CORIN: variants seen among roughly 807,000 people sequenced by gnomAD.
CORIN encodes the protein atrial natriuretic peptide-converting enzyme.
CORIN carries 117 observed loss-of-function variants against 125.3 expected under a neutral mutation model. The observed-to-expected ratio is 0.93, with a 90% confidence interval of 0.80 to 1.09. The LOEUF (loss-of-function observed/expected upper bound fraction) is 1.09, where lower values mean the gene tolerates loss of function less well. Among genes scored for constraint, CORIN ranks in the 50% least tolerant of loss-of-function variants. CORIN has a pLI of 0.00. For synonymous variants in CORIN, 450 were observed against 466.4 expected, an observed-to-expected ratio of 0.96 and a Z score of 0.45; for missense variants, 1,253 against 1,306.7, an observed-to-expected ratio of 0.96 and a Z score of 0.63.
intron 19 of CORIN, among the ~76,000 whole-genome samples, chr4:47,617,585 C>T (rs1035302525): frequency 6.6e-6 from 1 of 152,200 alleles, no homozygotes; most frequent in Non-Finnish European, 1.5e-5. Flanking sequence ...TCCACACTTG[C>T]TCACTCCCCA....
intron 4 of CORIN, among the ~76,000 whole-genome samples, chr4:47,745,844 A>G (rs1192692848): frequency 6.6e-6 from 1 of 152,250 alleles, no homozygotes; most frequent in African/African-American, 2.4e-5. Flanking sequence ...TGTACATAAA[A>G]ATGGAAAAAG....
intron 2 of CORIN, among the ~76,000 whole-genome samples, chr4:47,796,376 C>A (rs1731291853): frequency 6.6e-6 from 1 of 151,956 alleles, no homozygotes; most frequent in Admixed American, 6.6e-5. Context: ...TATGAGAAAT[C>A]TAAAATAGAT....
At chr4:47,809,304 A>G (rs1277127550) in intron 1 of CORIN, among the ~76,000 whole-genome samples, 1 of 150,986 alleles carries the variant, frequency 6.6e-6, no homozygotes, top group Non-Finnish European at 1.5e-5. Flanking sequence ...CCATTTTAAT[A>G]TGTCATCTAA....
chr4:47,772,197 C>T (rs745790556), intron 3 of CORIN, among the ~76,000 whole-genome samples: 6 of 152,172 alleles, frequency 3.9e-5, no homozygotes, highest in Admixed American at 6.6e-5. Flanking sequence ...TAAGTAAAGG[C>T]TCATAACCTG....
chr4:47,680,796 G>C (rs1725243582), intron 7 of CORIN: 2 of 154,782 alleles, frequency 1.3e-5, no homozygotes, highest in South Asian at 4.0e-4. Context: ...CTTTCTCCCA[G>C]GCTGGAGTGC....
At chr4:47,596,077 C>T (rs962669608) in intron 21 of CORIN, among the ~76,000 whole-genome samples, 174 bp from the exon 22 acceptor site, 1 of 152,138 alleles carries the variant, frequency 6.6e-6, no homozygotes, top group African/African-American at 2.4e-5. Context: ...AAAAACAGAA[C>T]TTTCAAATAA....
At chr4:47,624,520 A>C (rs576354545) in intron 17 of CORIN, among the ~76,000 whole-genome samples, 31 of 152,322 alleles carry the variant, frequency 2.0e-4, no homozygotes, top group African/African-American at 7.0e-4. Flanking sequence ...CTCAAGGTTA[A>C]ATTTCTGCTA....
intron 5 of CORIN, among the ~76,000 whole-genome samples, chr4:47,723,296 A>T (rs1335511715): frequency 6.6e-6 from 1 of 152,210 alleles, no homozygotes; most frequent in Non-Finnish European, 1.5e-5. Context: ...CACAGAGAAG[A>T]GGGAGCTTGA....
chr4:47,661,857 C>G lies in CORIN; in HGVS notation c.1590-1G>C. The G allele has an allele frequency of 1.3e-6, 2 of 1,586,972 alleles. No individual in the cohort carries two copies. The highest frequency in any genetic ancestry group is 2.3e-5 in the South Asian group (2 of 86,022). On this transcript the variant is annotated splice_acceptor_variant, in intron 11 of 21. Coordinates refer to ENST00000273857, the MANE Select transcript of CORIN (RefSeq NM_006587.4). LOFTEE classifies it high-confidence loss of function. ...TTCTTTAGAGTGTTCACACAATGCC[C>G]TAGATGAACAAGAAAGACAAAACAT...
chr4:47,599,380 T>C (rs1243464057), intron 21 of CORIN, among the ~76,000 whole-genome samples: 1 of 152,200 alleles, frequency 6.6e-6, no homozygotes, highest in Non-Finnish European at 1.5e-5. Flanking sequence ...TTATTTAAAT[T>C]GAGTTAGTAC....
intron 5 of CORIN, among the ~76,000 whole-genome samples, chr4:47,736,049 T>C (rs1380281947): frequency 6.6e-6 from 1 of 152,166 alleles, no homozygotes; most frequent in Non-Finnish European, 1.5e-5. Flanking sequence ...GATTTTTTTA[T>C]TTTCAAGTTT....
chr4:47,802,803 G>A (rs1236465246), intron 2 of CORIN, among the ~76,000 whole-genome samples: 1 of 152,092 alleles, frequency 6.6e-6, no homozygotes, highest in Non-Finnish European at 1.5e-5. Context: ...GCAGGCCTTG[G>A]GTAAGACTCA....
intron 1 of CORIN, among the ~76,000 whole-genome samples, chr4:47,822,820 C>CTTT (rs1359423811): frequency 1.4e-5 from 2 of 142,702 alleles, no homozygotes; most frequent in African/African-American, 5.2e-5. Context: ...CTTTCCATTT[C>CTTT]TTTTTTTTTT....
In CORIN at chr4:47,763,574, T is replaced by C; in HGVS notation, c.422A>G (p.Asn141Ser). The C allele has an allele frequency of 6.2e-7, 1 of 1,614,042 alleles. No homozygotes were observed. The change falls in exon 4 of 22, where the codon AAC becomes AGC. Residue 141 changes from asparagine (N) to serine (S), a missense_variant. Transcript: ENST00000273857. ...QSHRNTSACM[N>S]ITHSQCQMLP... is the part of the protein sequence containing the mutation. ...CATCTGACACTGGCTGTGGGTGATG[T>C]TCATACAGGCACCTGGGAAGTAAAG...
intron 2 of CORIN, among the ~76,000 whole-genome samples, chr4:47,797,029 C>T (rs1022946489): frequency 6.6e-6 from 1 of 151,898 alleles, no homozygotes; most frequent in Non-Finnish European, 1.5e-5. Flanking sequence ...TGAGGGTAGG[C>T]TTTATTCACT....
chr4:47,732,515 C>A (rs970159632), intron 5 of CORIN, among the ~76,000 whole-genome samples: 3 of 151,944 alleles, frequency 2.0e-5, no homozygotes, highest in Non-Finnish European at 4.4e-5. Flanking sequence ...CAGATTTTCC[C>A]ATGGGATTGC....
At chr4:47,678,754 A>G (rs762055404) in intron 8 of CORIN, among the ~76,000 whole-genome samples, 2 of 152,152 alleles carry the variant, frequency 1.3e-5, no homozygotes, top group Non-Finnish European at 2.9e-5. Context: ...GGATCATGTG[A>G]CCTCAGCCTT....
In CORIN at chr4:47,623,716, T is replaced by A. The variant is rs1004868234; in HGVS notation, c.2395A>T (p.Asn799Tyr). ...DCGRRPAARMNKRILGGRTSR... is the reference protein window; with the variant it reads ...DCGRRPAARMYKRILGGRTSR... ...GTCCGACCTCCAAGGATCCTTTTGTTCATTCGGGCAGCAGGGCGGCGCCCA... is the reference window on the plus strand; with the variant it reads ...GTCCGACCTCCAAGGATCCTTTTGTACATTCGGGCAGCAGGGCGGCGCCCA... The change falls in exon 19 of 22, where the codon AAC (asparagine) becomes TAC (tyrosine). Residue 799 changes from asparagine to tyrosine, a missense_variant. Physicochemically the swap from Asn to Tyr is moderately radical, Grantham distance 143. Coordinates refer to ENST00000273857, the MANE Select transcript of CORIN (RefSeq NM_006587.4). The A allele has an allele frequency of 1.9e-6, 3 of 1,614,088 alleles. No homozygotes were observed. In the Admixed American group the frequency reaches 5.0e-5, roughly 27 times the overall value.
intron 5 of CORIN, among the ~76,000 whole-genome samples, chr4:47,728,828 A>T (rs975888103): frequency 6.6e-6 from 1 of 152,186 alleles, no homozygotes; most frequent in Non-Finnish European, 1.5e-5. Flanking sequence ...CCAAGGATCA[A>T]CCTATGATCT....
Sources: allele counts gnomAD v4.1 joint callset (sites outside exome capture counted in the v4.1 genomes callset), GRCh38; gene constraint gnomAD v4.1.1; transcripts MANE v1.5; gene names NCBI Gene and HGNC (gene_info 2026-07-23, HGNC 2026-07-21).